Variants in ITPK1 observed in about 807,000 individuals in gnomAD.
ITPK1 encodes the protein inositol-tetrakisphosphate 1-kinase.
In ITPK1, 21 loss-of-function variants were observed where a neutral mutation model predicts 45.3. The observed-to-expected ratio is 0.46, with a 90% CI of 0.33 to 0.67. ITPK1 has a LOEUF of 0.67. ITPK1 is among the 30% of genes least tolerant of loss of function. ITPK1 has a pLI of 0.02. For synonymous variants in ITPK1, 258 were observed against 253.6 expected, an observed-to-expected ratio of 1.02 and a Z score of -0.16; for missense variants, 474 against 573.5, an observed-to-expected ratio of 0.83 and a Z score of 1.77.
chr14:92,993,944 G>T lies in ITPK1; in HGVS notation c.300C>A (p.Ile100=). The T allele has an allele frequency of 6.2e-7, 1 of 1,614,056 alleles. No individual in the cohort carries two copies. The highest frequency in any genetic ancestry group is 1.1e-5 in the South Asian group (1 of 91,080). ...ETIVLDPLPA[I]RTLLDRSKSY... ...ACTTGGAGCGGTCAAGCAGGGTTCT[G>T]ATGGCAGGGAGCGGGTCCAGGACGA... The change falls in exon 5 of 11, where the codon ATC becomes ATA. Residue 100 remains isoleucine (I), a synonymous_variant. Coordinates refer to ENST00000267615, the MANE Select transcript of ITPK1 (RefSeq NM_014216.6).
chr14:93,072,615 C>CT (rs111822420), intron 3 of ITPK1, among the ~76,000 whole-genome samples: 6,948 of 139,200 alleles, frequency 0.05, 236 homozygotes, highest in Middle Eastern at 0.087. Context: ...AAATATTATT[C>CT]TTTTTTTTTT....
intron 3 of ITPK1, among the ~76,000 whole-genome samples, chr14:93,019,967 G>C (rs1371963391): frequency 6.6e-6 from 1 of 152,194 alleles, no homozygotes; most frequent in Non-Finnish European, 1.5e-5. Context: ...ACGGGGTCTG[G>C]TTTGTCCCTC....
At chr14:92,956,010 A>G (rs1884703170) in intron 8 of ITPK1, among the ~76,000 whole-genome samples, 1 of 152,222 alleles carries the variant, frequency 6.6e-6, no homozygotes, top group Admixed American at 6.5e-5. Context: ...GGGACACAGA[A>G]TCAGCTTTGG....
chr14:92,950,479 T>G (rs1385948326), intron 9 of ITPK1, among the ~76,000 whole-genome samples: 1 of 152,266 alleles, frequency 6.6e-6, no homozygotes, highest in Non-Finnish European at 1.5e-5. Context: ...GATTCCTGAC[T>G]AGCAGCCATG....
intron 8 of ITPK1, among the ~76,000 whole-genome samples, chr14:92,955,428 G>A (rs1288967312): frequency 6.6e-6 from 1 of 152,208 alleles, no homozygotes; most frequent in East Asian, 1.9e-4. Context: ...TGCGTCCTCA[G>A]GGTAAAGACG....
intron 2 of ITPK1, among the ~76,000 whole-genome samples, chr14:93,113,511 G>A (rs1328488042): frequency 6.6e-6 from 1 of 152,198 alleles, no homozygotes; most frequent in African/African-American, 2.4e-5. Context: ...CATGACTGCA[G>A]GGGGAGCTCC....
intron 3 of ITPK1, among the ~76,000 whole-genome samples, chr14:93,027,212 C>T (rs146050198): frequency 6.6e-6 from 1 of 152,262 alleles, no homozygotes; most frequent in Non-Finnish European, 1.5e-5. Flanking sequence ...AGGGAGACTG[C>T]TCATCATGTG....
chr14:93,046,645 G>C (rs1461396114), intron 3 of ITPK1, among the ~76,000 whole-genome samples: 2 of 152,160 alleles, frequency 1.3e-5, no homozygotes, highest in Non-Finnish European at 2.9e-5. Flanking sequence ...CTCCAAATGA[G>C]TGGTCAACTG....
In ITPK1 at chr14:93,108,202, C is replaced by T. The variant is rs552780809; in HGVS notation, c.95+6867G>A. 7.5e-4 allele frequency among the ~76,000 whole-genome samples: 115 copies of T among 152,356 alleles called. 3 individuals are homozygous for T. The South Asian group carries it at 0.023, about 30-fold the overall frequency. On this transcript the variant is annotated intron_variant, in intron 2 of 10. Transcript: ENST00000267615. ...TGCAGGATGGGGAAGGTGTTTAAGA[C>T]AGTGACTTTGCGAGGGAAAGAAGGA... is the stretch of plus-strand genomic sequence containing the variant.
intron 3 of ITPK1, chr14:93,071,812 C>T (rs1891016136): frequency 1.3e-5 from 2 of 152,074 alleles, no homozygotes; most frequent in African/African-American, 4.8e-5. Flanking sequence ...CTATTATATA[C>T]TATAGGGCCA....
At chr14:93,050,376 G>C (rs1463085010) in intron 3 of ITPK1, among the ~76,000 whole-genome samples, 2 of 152,144 alleles carry the variant, frequency 1.3e-5, no homozygotes, top group Non-Finnish European at 2.9e-5. Flanking sequence ...CCTGTCTAGG[G>C]AGGCCCTGCT....
chr14:93,101,122 T>C (rs1892300949), intron 2 of ITPK1, among the ~76,000 whole-genome samples: 1 of 152,138 alleles, frequency 6.6e-6, no homozygotes, highest in Non-Finnish European at 1.5e-5. Context: ...CCACCAATCA[T>C]GGCCCAGAAC....
At position 92,958,436 on chromosome 14, in the gene ITPK1, T is replaced by A; in HGVS notation, c.505-70A>T. The A allele has an allele frequency of 4.7e-6, 7 of 1,476,090 alleles. No homozygotes were observed. The highest frequency in any genetic ancestry group is 6.6e-6 in the Non-Finnish European group (7 of 1,063,832). The allele number at this position is 1,476,090 out of a possible 1,614,324, so 91.4% of individuals were successfully genotyped here. On this transcript the variant is annotated intron_variant, in intron 7 of 10. Coordinates refer to ENST00000267615, the MANE Select transcript of ITPK1 (RefSeq NM_014216.6). The surrounding 1 kb of genome is among the most constrained non-coding windows in gnomAD (Gnocchi z 4.4). ...TCTCAGCCTCCAACACACAGGTGTG[T>A]CACCTGTCCAGAGCACCTCCACCAA...
rs750596520 is a variant in ITPK1 at position 92,963,787 on chromosome 14, T to C, written c.365-938A>G. Among the ~76,000 whole-genome samples the C allele has an allele frequency of 1.7e-4, 26 of 152,368 alleles. No individual in the cohort carries two copies. In the Middle Eastern group the frequency reaches 0.01, roughly 60 times the overall value. On this transcript the variant is annotated intron_variant, in intron 5 of 10. Coordinates refer to ENST00000267615, the MANE Select transcript of ITPK1 (RefSeq NM_014216.6). ...AATGTATTTGGAATCTCTCTGCTGATGATGAAATTACTGGTTTGTTATTAT... is the reference window on the plus strand; with the variant it reads ...AATGTATTTGGAATCTCTCTGCTGACGATGAAATTACTGGTTTGTTATTAT...
intron 2 of ITPK1, among the ~76,000 whole-genome samples, chr14:93,092,941 G>A (rs77736681): frequency 0.22 from 33,903 of 152,004 alleles, 3,793 homozygotes; most frequent in South Asian, 0.33. Context: ...CAGCCACGGC[G>A]CGTGCCTCCA....
chr14:93,115,602 G>T (rs1270010471), intron 1 of ITPK1, among the ~76,000 whole-genome samples, 170 bp downstream of exon 1: 4 of 145,188 alleles, frequency 2.8e-5, no homozygotes, highest in Non-Finnish European at 6.1e-5. Flanking sequence ...GCGCGGGCCC[G>T]AGCCACACGC....
rs1224291718 is a variant in ITPK1, at chr14:93,081,408, C to T, written c.96-4789G>A. 2.0e-5 allele frequency among the ~76,000 whole-genome samples: 3 copies of T among 151,996 alleles called. No homozygotes were observed. In the East Asian group the frequency reaches 5.8e-4, roughly 29 times the overall value. On this transcript the variant is annotated intron_variant, in intron 2 of 10. Transcript: ENST00000267615. The stretch of plus-strand genomic sequence containing the variant: ...TGTCATTGTATTGATAAATATTACA[C>T]TAATATATAAATACAATATATTAAT...
intron 4 of ITPK1, among the ~76,000 whole-genome samples, chr14:93,009,727 G>A (rs918684552): frequency 2.0e-5 from 3 of 152,156 alleles, no homozygotes; most frequent in African/African-American, 4.8e-5. Context: ...TGCCAGATGC[G>A]TCCAACTCTG....
intron 5 of ITPK1, among the ~76,000 whole-genome samples, chr14:92,969,080 C>A (rs1885521459): frequency 6.6e-6 from 1 of 152,164 alleles, no homozygotes; most frequent in East Asian, 1.9e-4. Flanking sequence ...TCCCGACACA[C>A]CCATGAAGTG....
Sources: allele counts gnomAD v4.1 joint callset (sites outside exome capture counted in the v4.1 genomes callset), GRCh38; gene constraint gnomAD v4.1.1; non-coding constraint Gnocchi (gnomAD v3.1); transcripts MANE v1.5; gene names NCBI Gene and HGNC (gene_info 2026-07-23, HGNC 2026-07-21).